Variants in CCAR1 observed in about 807,000 individuals in gnomAD.
CCAR1 encodes cell division cycle and apoptosis regulator protein 1.
CCAR1 carries 78 observed loss-of-function variants against 163.8 expected under a neutral mutation model. The ratio of observed to expected loss-of-function variants is 0.48; its 90% CI spans 0.40 to 0.57. CCAR1 has a LOEUF of 0.57. Ranked by LOEUF, CCAR1 falls within the 20% of genes least tolerant of loss-of-function variation. CCAR1 has a pLI of 0.00. For missense variants in CCAR1, 1,019 were observed against 1,365.2 expected (o/e 0.75, Z 4.00); for synonymous variants, 443 against 460.7 (o/e 0.96, Z 0.49).
chr10:68,723,778 G>C (rs1277215584), intron 2 of CCAR1, among the ~76,000 whole-genome samples: 1 of 151,760 alleles, frequency 6.6e-6, no homozygotes, highest in African/African-American at 2.4e-5. Context: ...AACCCAGGAG[G>C]TGAAGCTTGC....
At chr10:68,766,281 C>A (rs2133387480) in intron 17 of CCAR1, among the ~76,000 whole-genome samples, 1 of 152,116 alleles carries the variant, frequency 6.6e-6, no homozygotes, top group Non-Finnish European at 1.5e-5. Context: ...TGGCTCACTG[C>A]AACCTCTGTC....
intron 2 of CCAR1, among the ~76,000 whole-genome samples, chr10:68,733,782 G>A (rs1008917271): frequency 6.6e-6 from 1 of 152,048 alleles, no homozygotes; most frequent in Non-Finnish European, 1.5e-5. Context: ...TCCTGCCTCA[G>A]CCTCCCGAAT....
chr10:68,775,733 G>A (rs1589188104), intron 19 of CCAR1, among the ~76,000 whole-genome samples: 1 of 101,790 alleles, frequency 9.8e-6, no homozygotes, highest in Non-Finnish European at 1.8e-5. Flanking sequence ...GTCTCACTCT[G>A]TTGCCCAGGC....
At chr10:68,784,356 C>G (rs1437604788) in intron 19 of CCAR1, among the ~76,000 whole-genome samples, 22 of 152,116 alleles carry the variant, frequency 1.4e-4, no homozygotes, top group Admixed American at 1.4e-3. Flanking sequence ...TCTGGGACTA[C>G]AGGCACACGC....
intron 5 of CCAR1, 106 bp from the exon 6 acceptor site, chr10:68,742,265 TCTAAC>T (rs1247693080): frequency 1.4e-5 from 11 of 760,152 alleles, no homozygotes; most frequent in Non-Finnish European, 1.9e-5. Flanking sequence ...ATGTATATCT[TCTAAC>T]ATAATATGAA....
intron 5 of CCAR1, among the ~76,000 whole-genome samples, chr10:68,741,383 T>C (rs1248605498): frequency 6.6e-6 from 1 of 152,230 alleles, no homozygotes; most frequent in African/African-American, 2.4e-5. Context: ...GAACTTTTCA[T>C]ATGTAGTGCT....
At position 68,742,525 on chromosome 10, in the gene CCAR1, T is replaced by C; in HGVS notation, c.474T>C (p.His158=). The change falls in exon 6 of 25, where the codon CAT becomes CAC. Residue 158 remains histidine, a synonymous_variant. Coordinates refer to ENST00000265872, the MANE Select transcript of CCAR1 (RefSeq NM_018237.4). ...RVFTGVVTKL[H]DTFGFVDEDV... ...TCACAGGGGTGGTTACAAAACTACA[T>C]GATACGTTTGGATTTGTGGATGAAG... 1 of 1,614,128 alleles carries C rather than the reference T, an allele frequency of 6.2e-7. No individual in the cohort carries two copies. Among genetic ancestry groups the C allele is most frequent in the South Asian group, 1.1e-5 (1 of 91,064 alleles).
chr10:68,745,971 TTTA>T (rs1269357084), intron 6 of CCAR1, among the ~76,000 whole-genome samples: 10 of 151,886 alleles, frequency 6.6e-5, no homozygotes, highest in Non-Finnish European at 1.3e-4. Context: ...TTTTAAATTT[TTTA>T]TTTATTTATT....
At chr10:68,727,345 G>A (rs1160725618) in intron 2 of CCAR1, among the ~76,000 whole-genome samples, 1 of 152,076 alleles carries the variant, frequency 6.6e-6, no homozygotes, top group East Asian at 1.9e-4. Context: ...CCAAAGCTAA[G>A]CTAGATTCTA....
chr10:68,771,182 G>C, intron 17 of CCAR1, 24 bp from the exon 18 acceptor site: 1 of 1,564,268 alleles, frequency 6.4e-7, no homozygotes, highest in Non-Finnish European at 8.6e-7. Context: ...ATTTGGCTAG[G>C]TTCATGTTGA....
At chr10:68,729,510 C>T (rs1250081613) in intron 2 of CCAR1, among the ~76,000 whole-genome samples, 1 of 151,732 alleles carries the variant, frequency 6.6e-6, no homozygotes, top group African/African-American at 2.4e-5. Context: ...ACCTTGTGAT[C>T]CACCCGCCTC....
chr10:68,773,162 T>G (rs905619910), intron 19 of CCAR1, 63 bp downstream of exon 19: 7 of 824,414 alleles, frequency 8.5e-6, no homozygotes, highest in Admixed American at 7.9e-5. Context: ...TTGCTGACAT[T>G]GTATTCACTG....
intron 19 of CCAR1, among the ~76,000 whole-genome samples, chr10:68,781,943 C>T (rs1429275559): frequency 1.3e-5 from 2 of 152,060 alleles, no homozygotes; most frequent in African/African-American, 2.4e-5. Context: ...GTGAAGAAGG[C>T]ATGTTGAAAG....
chr10:68,764,463 G>A (rs1187533851), intron 16 of CCAR1, among the ~76,000 whole-genome samples: 1 of 151,962 alleles, frequency 6.6e-6, no homozygotes, highest in African/African-American at 2.4e-5. Flanking sequence ...GAACCCAGGA[G>A]GTCAACGCTA....
intron 19 of CCAR1, among the ~76,000 whole-genome samples, chr10:68,784,508 C>T (rs542452520): frequency 5.3e-5 from 8 of 152,038 alleles, no homozygotes; most frequent in South Asian, 4.1e-4. Flanking sequence ...CCACCATGTT[C>T]GGCGATTGAC....
intron 19 of CCAR1, among the ~76,000 whole-genome samples, chr10:68,784,733 G>T (rs530890719): frequency 6.6e-6 from 1 of 151,900 alleles, no homozygotes; most frequent in South Asian, 2.1e-4. Flanking sequence ...AATTATTTTT[G>T]TAGAGACCGG....
At position 68,749,084 on chromosome 10, in the gene CCAR1, C is replaced by G. The variant is rs185856755; in HGVS notation, c.827-52C>G. 1.5e-3 allele frequency: 2,487 copies of G among 1,608,554 alleles called. 31 individuals carry two copies. The highest frequency in any genetic ancestry group is 1.6e-4 in the Non-Finnish European group (187 of 1,177,206). On this transcript the variant is annotated intron_variant, in intron 8 of 24. Coordinates refer to ENST00000265872, the MANE Select transcript of CCAR1 (RefSeq NM_018237.4). ...TTCCTCTAATTTTATCAGGTAATGC[C>G]TTCGAACTTTGTTTAGACACGCTAA...
Position 68,770,423 on chromosome 10 carries a change from G to C in CCAR1, c.2299-783G>C, listed in dbSNP as rs116601062. Among the ~76,000 whole-genome samples, 603 of 152,276 alleles carry C rather than the reference G, an allele frequency of 4.0e-3. 4 individuals carry two copies. Among genetic ancestry groups the C allele is most frequent in the African/African-American group, 0.014 (583 of 41,560 alleles). On this transcript the variant is annotated intron_variant, in intron 17 of 24. Coordinates refer to ENST00000265872, the MANE Select transcript of CCAR1 (RefSeq NM_018237.4). ...TTGACTTAAAACTTATTGAGTAAAT[G>C]AATAAGGTACACTTATCATGAAGAT... is the stretch of plus-strand genomic sequence containing the variant.
At chr10:68,730,945 G>A (rs1254541410) in intron 2 of CCAR1, among the ~76,000 whole-genome samples, 1 of 152,002 alleles carries the variant, frequency 6.6e-6, no homozygotes, top group Non-Finnish European at 1.5e-5. Context: ...AGCTCACCGT[G>A]GCCTCCCAAA....
Sources: allele counts gnomAD v4.1 joint callset (sites outside exome capture counted in the v4.1 genomes callset), GRCh38; gene constraint gnomAD v4.1.1; transcripts MANE v1.5; gene names NCBI Gene and HGNC (gene_info 2026-07-23, HGNC 2026-07-21).